NKTR: variants seen among roughly 807,000 people sequenced by gnomAD.
The protein encoded by NKTR is NK-tumor recognition protein.
Under a neutral mutation model 156.3 loss-of-function variants are expected in NKTR, and 67 were observed. The observed-to-expected ratio is 0.43, with a 90% CI of 0.35 to 0.53. NKTR has a LOEUF of 0.53. Ranked by LOEUF, NKTR falls within the 20% of genes least tolerant of loss-of-function variation. NKTR has a pLI of 0.01. For missense variants in NKTR, 1,604 were observed against 1,730.9 expected, an observed-to-expected ratio of 0.93 and a Z score of 1.30; for synonymous variants, 640 against 596.6, an observed-to-expected ratio of 1.07 and a Z score of -1.06.
chr3:42,625,017 C>T (rs1708246252), intron 6 of NKTR, among the ~76,000 whole-genome samples: 1 of 152,066 alleles, frequency 6.6e-6, no homozygotes, highest in Non-Finnish European at 1.5e-5. Context: ...GTTCGTTTTT[C>T]TTAAACATTG....
chr3:42,606,798 A>T (rs1306170946), intron 2 of NKTR, among the ~76,000 whole-genome samples: 1 of 152,118 alleles, frequency 6.6e-6, no homozygotes, highest in East Asian at 1.9e-4. Context: ...GCTTGAGCAT[A>T]GGAGTTAGAA....
At chr3:42,617,175 A>G (rs956081335) in intron 2 of NKTR, among the ~76,000 whole-genome samples, 1 of 152,226 alleles carries the variant, frequency 6.6e-6, no homozygotes, top group Non-Finnish European at 1.5e-5. Flanking sequence ...AATACTGGCC[A>G]GAATTACTGT....
At chr3:42,643,472 G>A in intron 15 of NKTR, 77 bp downstream of exon 15, 1 of 1,180,498 alleles carries the variant, frequency 8.5e-7, no homozygotes, top group Non-Finnish European at 1.3e-6. Context: ...GTTCAAAGTG[G>A]TATTTTATTG....
At chr3:42,616,965 A>G (rs1707431604) in intron 2 of NKTR, among the ~76,000 whole-genome samples, 1 of 152,096 alleles carries the variant, frequency 6.6e-6, no homozygotes, top group African/African-American at 2.4e-5. Flanking sequence ...TGTGTTGCCC[A>G]GGCTGGTCTC....
chr3:42,603,699 G>A (rs998833441), intron 2 of NKTR, among the ~76,000 whole-genome samples: 1 of 149,030 alleles, frequency 6.7e-6, no homozygotes, highest in African/African-American at 2.5e-5. Context: ...AGCACTTTTT[G>A]AGTATATTAA....
intron 7 of NKTR, 160 bp from the exon 8 acceptor site, chr3:42,631,011 A>G: frequency 7.1e-7 from 1 of 1,414,982 alleles, no homozygotes. Flanking sequence ...TTTATGAAGC[A>G]GATTTCAAGT....
At chr3:42,621,286 A>ATT in intron 5 of NKTR, 143 bp from the exon 6 acceptor site, 1 of 1,337,214 alleles carries the variant, frequency 7.5e-7, no homozygotes, top group Non-Finnish European at 9.5e-7. Flanking sequence ...ATTAGCTTAA[A>ATT]TTTTTCTTTT....
chr3:42,634,725 A>G (rs1577550200), intron 11 of NKTR, 25 bp downstream of exon 11: 4 of 1,307,302 alleles, frequency 3.1e-6, no homozygotes, highest in Non-Finnish European at 3.2e-6. Flanking sequence ...ACTTTTTTTG[A>G]TATTATGTAT....
chr3:42,639,787 G>C, intron 13 of NKTR, 37 bp downstream of exon 13: 1 of 1,389,304 alleles, frequency 7.2e-7, no homozygotes, highest in Non-Finnish European at 1.0e-6. Flanking sequence ...CTCCCAAGGA[G>C]AGTCTGTTAT....
chr3:42,645,855 A>G, intron 16 of NKTR, 33 bp from the exon 17 acceptor site: 3 of 1,473,386 alleles, frequency 2.0e-6, no homozygotes, highest in Non-Finnish European at 9.4e-7. Context: ...TTACAGTTAC[A>G]AGATTTTTAT....
rs368090188 is a variant in NKTR, at chr3:42,638,245, C to G, written c.2541C>G (p.Ser847=). The G allele has an allele frequency of 1.9e-5, 31 of 1,612,764 alleles. No individual in the cohort carries two copies. In the African/African-American group the frequency reaches 3.9e-4, roughly 20 times the overall value. Residue 847 remains serine, a synonymous_variant, in exon 13 of 17, where the codon TCC becomes TCG. Transcript: ENST00000232978. ...AAAAAAACAGAGGTGAAGAAAAATC[C>G]AAGTCTGAACGGGAATGCCCTCATT... ...KQEKNRGEEK[S]KSERECPHSK... is the part of the protein sequence containing the mutation.
intron 13 of NKTR, 55 bp downstream of exon 13, chr3:42,639,805 C>T (rs1471704193): frequency 8.3e-7 from 1 of 1,207,364 alleles, no homozygotes. Context: ...TATTGTTTAG[C>T]TTGGAAGAAT....
intron 2 of NKTR, among the ~76,000 whole-genome samples, chr3:42,614,836 A>G (rs1408103867): frequency 6.6e-6 from 1 of 152,148 alleles, no homozygotes; most frequent in Non-Finnish European, 1.5e-5. Flanking sequence ...TAATTAGGTT[A>G]ATGTGTTTTT....
intron 15 of NKTR, 44 bp from the exon 16 acceptor site, chr3:42,643,858 A>G (rs1559596958): frequency 1.5e-6 from 2 of 1,372,786 alleles, no homozygotes; most frequent in Non-Finnish European, 2.1e-6. Flanking sequence ...ACATATGAGT[A>G]TCTGAGTGGG....
intron 1 of NKTR, 74 bp downstream of exon 1, chr3:42,600,852 G>C: frequency 4.0e-6 from 2 of 494,044 alleles, no homozygotes; most frequent in Non-Finnish European, 6.7e-6. Context: ...GCCTCGTCTT[G>C]GCCTCCTGCG....
At chr3:42,634,572 TTTGC>T in intron 10 of NKTR, 37 bp from the exon 11 acceptor site, 1 of 1,164,634 alleles carries the variant, frequency 8.6e-7, no homozygotes, top group Non-Finnish European at 1.2e-6. Flanking sequence ...TTCTAGCTTC[TTTGC>T]TTATTTTTAA....
intron 4 of NKTR, chr3:42,619,443 ATAAG>A: frequency 7.3e-7 from 1 of 1,372,798 alleles, no homozygotes; most frequent in South Asian, 1.7e-5. Context: ...ACTGTTTGAA[ATAAG>A]TAGGTTGTGA....
intron 3 of NKTR, 52 bp from the exon 4 acceptor site, chr3:42,618,968 A>G: frequency 6.9e-7 from 1 of 1,443,334 alleles, no homozygotes; most frequent in Non-Finnish European, 9.4e-7. Flanking sequence ...CTTTCCATGG[A>G]AGGATGTATA....
intron 6 of NKTR, chr3:42,629,123 A>G: frequency 1.0e-6 from 1 of 976,964 alleles, no homozygotes; most frequent in Non-Finnish European, 1.2e-6. Context: ...ATTAAAGCAC[A>G]TTTCTATCTT....
Sources: gnomAD v4.1 joint callset for allele counts (sites outside exome capture counted in the v4.1 genomes callset) on GRCh38, gnomAD v4.1.1 for gene constraint, MANE v1.5 for transcripts, NCBI Gene and HGNC (gene_info 2026-07-23, HGNC 2026-07-21) for gene names.